FOXJ3: variants seen among roughly 807,000 people sequenced by gnomAD.
FOXJ3 encodes forkhead box J3, also known as forkhead box protein J3.
In FOXJ3, 22 loss-of-function variants were observed where a neutral mutation model predicts 76.1. The ratio of observed to expected loss-of-function variants is 0.29; its 90% CI spans 0.21 to 0.41. The LOEUF is 0.41. Ranked by LOEUF, FOXJ3 falls within the 10% of genes least tolerant of loss-of-function variation. The pLI, the probability that FOXJ3 is intolerant of heterozygous loss-of-function variation, is 1.00. For synonymous variants in FOXJ3, 269 were observed against 261.2 expected, an observed-to-expected ratio of 1.03 and a Z score of -0.29; for missense variants, 613 against 762.1, an observed-to-expected ratio of 0.80 and a Z score of 2.30.
At chr1:42,285,816 T>C (rs777724034) in intron 2 of FOXJ3, among the ~76,000 whole-genome samples, 42 of 152,226 alleles carry the variant, frequency 2.8e-4, no homozygotes, top group Admixed American at 1.0e-3. Flanking sequence ...GAGTTTCCCA[T>C]TATCCTCTTT....
intron 4 of FOXJ3, among the ~76,000 whole-genome samples, chr1:42,235,048 C>T (rs920486633): frequency 6.6e-6 from 1 of 152,216 alleles, no homozygotes; most frequent in Non-Finnish European, 1.5e-5. Flanking sequence ...TGGTGGGCTC[C>T]ACCCAGTTGG....
At chr1:42,218,351 T>G (rs1463642239) in intron 5 of FOXJ3, among the ~76,000 whole-genome samples, 2 of 152,238 alleles carry the variant, frequency 1.3e-5, no homozygotes, top group Non-Finnish European at 2.9e-5. Context: ...TATCCATCTA[T>G]CCTCCAGTTC....
chr1:42,334,593 G>A (rs570266203), intron 1 of FOXJ3, among the ~76,000 whole-genome samples: 2 of 152,368 alleles, frequency 1.3e-5, no homozygotes, highest in East Asian at 1.9e-4. Context: ...GCCACTCCAA[G>A]GCGTGAGGTA....
In FOXJ3 at chr1:42,181,956, T is replaced by C. The variant is rs1226931568; in HGVS notation, c.1714A>G (p.Ile572Val). The change falls in exon 12 of 13, where the codon ATC becomes GTC. Residue 572 changes from isoleucine (I) to valine (V), a missense_variant. Physicochemically the swap from Ile to Val is conservative, Grantham distance 29 (BLOSUM62 3). This residue lies in a region of FOXJ3 where 526 missense variants were observed against 601.4 expected (regional missense o/e 0.87). Coordinates refer to ENST00000361346, the MANE Select transcript of FOXJ3 (RefSeq NM_014947.5). ...SVMPPPGYPH[I>V]PQALSTPGTT... ...CCTGGAGTGCTGAGTGCCTGTGGGA[T>C]ATGAGGATAACCAGGGGGTGGCATC... The C allele has an allele frequency of 1.9e-6, 3 of 1,613,354 alleles. No individual in the cohort carries two copies. Among genetic ancestry groups the C allele is most frequent in the East Asian group, 2.2e-5 (1 of 44,880 alleles).
intron 1 of FOXJ3, among the ~76,000 whole-genome samples, chr1:42,325,076 TATA>T (rs1655748692): frequency 6.6e-6 from 1 of 152,222 alleles, no homozygotes; most frequent in South Asian, 2.1e-4. Flanking sequence ...ATAATGGCTA[TATA>T]ATAATGTCTA....
At chr1:42,295,632 G>A (rs551347617) in intron 2 of FOXJ3, among the ~76,000 whole-genome samples, 19 of 149,218 alleles carry the variant, frequency 1.3e-4, no homozygotes, top group African/African-American at 3.2e-4. Flanking sequence ...AGGTTCAAGC[G>A]ATTCTCCTGC....
chr1:42,246,107 T>C (rs767165175), intron 4 of FOXJ3, among the ~76,000 whole-genome samples: 75 of 152,140 alleles, frequency 4.9e-4, no homozygotes, highest in Non-Finnish European at 9.1e-4. Flanking sequence ...TAGACAAAGA[T>C]TTTACGACTA....
intron 8 of FOXJ3, among the ~76,000 whole-genome samples, chr1:42,193,738 C>G (rs541272097): frequency 6.6e-6 from 1 of 152,136 alleles, no homozygotes; most frequent in East Asian, 1.9e-4. Flanking sequence ...CATTTTTGTT[C>G]ACTGCTGTGA....
At chr1:42,205,202 GAT>G (rs980216310) in intron 6 of FOXJ3, among the ~76,000 whole-genome samples, 3 of 152,148 alleles carry the variant, frequency 2.0e-5, no homozygotes, top group African/African-American at 7.2e-5. Context: ...AGAAGAGACA[GAT>G]ATATACCTGT....
intron 1 of FOXJ3, among the ~76,000 whole-genome samples, chr1:42,324,205 T>C (rs944961895): frequency 8.1e-6 from 1 of 123,150 alleles, no homozygotes; most frequent in South Asian, 2.6e-4. Context: ...ATACTATATA[T>C]ATACTATATA....
intron 4 of FOXJ3, among the ~76,000 whole-genome samples, chr1:42,231,879 T>C (rs1002648266): frequency 7.2e-5 from 11 of 152,300 alleles, no homozygotes; most frequent in Admixed American, 2.6e-4. Flanking sequence ...ACATGTGCCA[T>C]GTTGGTGTGC....
Position 42,232,482 on chromosome 1 carries a change from T to C in FOXJ3, c.445-4516A>G, listed in dbSNP as rs879826051. On this transcript the variant is annotated intron_variant, in intron 4 of 12. Coordinates refer to ENST00000361346, the MANE Select transcript of FOXJ3 (RefSeq NM_014947.5). Reference sequence around the variant, plus strand: ...CTGTTGTTTCCTGACTTTTTAATGATTGCCATTCTAACTGGTGTGAGATGG... The same window carrying C: ...CTGTTGTTTCCTGACTTTTTAATGACTGCCATTCTAACTGGTGTGAGATGG... Among the ~76,000 whole-genome samples the C allele has an allele frequency of 6.7e-5, 10 of 149,310 alleles. No individual in the cohort carries two copies. The East Asian group carries it at 7.8e-4, about 12-fold the overall frequency.
intron 1 of FOXJ3, among the ~76,000 whole-genome samples, chr1:42,320,052 C>G (rs1655340958): frequency 6.6e-6 from 1 of 152,180 alleles, no homozygotes; most frequent in Admixed American, 6.5e-5. Context: ...GGCTATACTC[C>G]TCTCCTCCTA....
chr1:42,268,880 A>T (rs1228392578), intron 3 of FOXJ3, among the ~76,000 whole-genome samples: 1 of 152,136 alleles, frequency 6.6e-6, no homozygotes, highest in Non-Finnish European at 1.5e-5. Context: ...CTCATGAATG[A>T]GACTAGTGTT....
chr1:42,254,184 C>T (rs1331884486), intron 4 of FOXJ3, among the ~76,000 whole-genome samples: 1 of 151,802 alleles, frequency 6.6e-6, no homozygotes, highest in Non-Finnish European at 1.5e-5. Context: ...CAAAAGAAGA[C>T]ATTTACGCAG....
chr1:42,251,706 A>ATTTTTTTTTTTTTTTTTT (rs1168120638), intron 4 of FOXJ3, among the ~76,000 whole-genome samples: 2 of 87,572 alleles, frequency 2.3e-5, no homozygotes, highest in African/African-American at 9.8e-5. Flanking sequence ...GTTTGCCAGT[A>ATTTTTTTTTTTTTTTTTT]TTTTTTTTTT....
intron 7 of FOXJ3, among the ~76,000 whole-genome samples, chr1:42,197,493 A>C (rs1482614660): frequency 6.6e-6 from 1 of 152,130 alleles, no homozygotes; most frequent in Non-Finnish European, 1.5e-5. Flanking sequence ...GGTATCCACG[A>C]GGGACTGGTT....
chr1:42,311,760 C>T (rs1233431779), intron 1 of FOXJ3, among the ~76,000 whole-genome samples: 1 of 152,022 alleles, frequency 6.6e-6, no homozygotes. Flanking sequence ...ACTATAGACA[C>T]CTTAAAGGAT....
chr1:42,226,083 T>TA (rs1373812137), intron 5 of FOXJ3, among the ~76,000 whole-genome samples: 1 of 152,234 alleles, frequency 6.6e-6, no homozygotes. Flanking sequence ...ATGTGTTTTT[T>TA]AAAATGTGAA....
Sources: gnomAD v4.1 joint callset for allele counts (sites outside exome capture counted in the v4.1 genomes callset) on GRCh38, gnomAD v4.1.1 for gene constraint, gnomAD v4.1.1 regional missense constraint, MANE v1.5 for transcripts, NCBI Gene and HGNC (gene_info 2026-07-23, HGNC 2026-07-21) for gene names.